Variants in ERC2 observed in about 807,000 individuals in gnomAD.
ERC2 encodes ELKS/RAB6-interacting/CAST family member 2.
ERC2 carries 42 observed loss-of-function variants against 114.8 expected under a neutral mutation model. The observed-to-expected ratio is 0.37, with a 90% CI of 0.29 to 0.47. The LOEUF (loss-of-function observed/expected upper bound fraction) is 0.47. ERC2 is among the 20% of genes least tolerant of loss of function. The pLI is 0.99. For synonymous variants in ERC2, 454 were observed against 425.5 expected (o/e 1.07, Z -0.82); for missense variants, 939 against 1,150.7 (o/e 0.82, Z 2.66).
chr3:55,613,823 A>T (rs2059006572), intron 17 of ERC2, among the ~76,000 whole-genome samples: 1 of 151,842 alleles, frequency 6.6e-6, no homozygotes, highest in Non-Finnish European at 1.5e-5. Flanking sequence ...TCTACTAAAA[A>T]ATACAAAAAA....
intron 14 of ERC2, among the ~76,000 whole-genome samples, chr3:55,818,078 A>G (rs928821897): frequency 1.3e-5 from 2 of 152,220 alleles, no homozygotes; most frequent in African/African-American, 4.8e-5. Flanking sequence ...TAAGGTCTGA[A>G]CGATGGGACT....
intron 7 of ERC2, among the ~76,000 whole-genome samples, chr3:56,042,932 C>A (rs1277932581): frequency 6.6e-6 from 1 of 151,980 alleles, no homozygotes; most frequent in Admixed American, 6.6e-5. Flanking sequence ...ACGGAACATC[C>A]TGAAAAAGTC....
chr3:55,650,886 A>G (rs2060591810), intron 17 of ERC2, among the ~76,000 whole-genome samples: 1 of 148,060 alleles, frequency 6.8e-6, no homozygotes, highest in Non-Finnish European at 1.5e-5. Context: ...TGGCTCTGTC[A>G]CCTGGGCTGG....
At chr3:56,355,902 G>A (rs937300156) in intron 2 of ERC2, among the ~76,000 whole-genome samples, 1 of 152,180 alleles carries the variant, frequency 6.6e-6, no homozygotes. Context: ...ATGGAGAGGT[G>A]ATGAATCAGA....
chr3:56,224,033 T>G (rs1452218), intron 3 of ERC2, among the ~76,000 whole-genome samples: 122,153 of 152,156 alleles, frequency 0.8, 50,944 homozygotes, highest in South Asian at 0.95. Flanking sequence ...TGTCAATTAG[T>G]TTCACTAAGT....
chr3:55,735,062 G>T, intron 14 of ERC2, 144 bp from the exon 15 acceptor site: 2 of 911,014 alleles, frequency 2.2e-6, no homozygotes, highest in Non-Finnish European at 3.1e-6. Flanking sequence ...TAGCTCTTTG[G>T]CTTTCAGAAT....
chr3:56,267,262 C>T (rs762629697), intron 3 of ERC2, among the ~76,000 whole-genome samples: 32 of 152,162 alleles, frequency 2.1e-4, no homozygotes, highest in Non-Finnish European at 4.4e-4. Context: ...TACACACACA[C>T]ACAGTGGAAT....
intron 3 of ERC2, among the ~76,000 whole-genome samples, chr3:56,241,484 G>A (rs926467372): frequency 3.3e-5 from 5 of 152,034 alleles, no homozygotes; most frequent in South Asian, 2.1e-4. Flanking sequence ...AAAACAGTGC[G>A]GAGATTTCTC....
rs190773926 is a variant in ERC2 at position 55,927,648 on chromosome 3, G to T, written c.2403+22777C>A. ...ATTTTAAAACATACAATAAATTATT[G>T]TTGACTCTAGTCATCCTGTCGTGTT... is the stretch of plus-strand genomic sequence containing the variant. On this transcript the variant is annotated intron_variant, in intron 13 of 17. Coordinates refer to ENST00000288221, the MANE Select transcript of ERC2 (RefSeq NM_015576.3). 7.0e-4 allele frequency among the ~76,000 whole-genome samples: 106 copies of T among 151,612 alleles called. 2 individuals carry two copies. The East Asian group carries it at 0.019, about 28-fold the overall frequency.
intron 3 of ERC2, among the ~76,000 whole-genome samples, chr3:56,266,677 C>G (rs1230369463): frequency 6.6e-6 from 1 of 152,184 alleles, no homozygotes; most frequent in Non-Finnish European, 1.5e-5. Context: ...ATAAGGACCA[C>G]TTGAGCCCAG....
chr3:55,939,313 T>G (rs754040308), intron 13 of ERC2, among the ~76,000 whole-genome samples: 6 of 152,222 alleles, frequency 3.9e-5, no homozygotes, highest in Non-Finnish European at 7.3e-5. Flanking sequence ...TTATCATCAG[T>G]AAGAATTGCC....
chr3:56,042,710 A>G (rs1378668107), intron 7 of ERC2, among the ~76,000 whole-genome samples: 1 of 152,152 alleles, frequency 6.6e-6, no homozygotes, highest in Non-Finnish European at 1.5e-5. Flanking sequence ...AAGGTACTCT[A>G]AAATAAAAGT....
chr3:55,748,214 G>T (rs2066432710), intron 14 of ERC2, among the ~76,000 whole-genome samples: 1 of 152,208 alleles, frequency 6.6e-6, no homozygotes. Flanking sequence ...TTTCAGATAT[G>T]AAATTATGAA....
chr3:56,148,853 T>C (rs189681225), intron 5 of ERC2, 124 bp downstream of exon 5: 2 of 840,982 alleles, frequency 2.4e-6, no homozygotes, highest in East Asian at 2.6e-5. Context: ...TTCTACTTTG[T>C]TGTCCATATA....
At position 56,007,290 on chromosome 3, in the gene ERC2, G is replaced by T; in HGVS notation, c.1952C>A (p.Ser651Tyr). 6.3e-7 allele frequency: 1 copy of T among 1,599,976 alleles called. No individual in the cohort carries two copies. The highest frequency in any genetic ancestry group is 1.7e-5 in the Admixed American group (1 of 58,114). Residue 651 changes from serine to tyrosine, a missense_variant, in exon 10 of 18, where the codon TCT (serine) becomes TAT (tyrosine). By Grantham distance (144) the Ser-to-Tyr change is moderately radical. Coordinates refer to ENST00000288221, the MANE Select transcript of ERC2 (RefSeq NM_015576.3). Reference protein sequence around the residue: ...SSLIDLKEHASSLASAGLKRD... With the variant: ...SSLIDLKEHAYSLASAGLKRD... ...TTTCAGCCCCGCAGAGGCTAATGAA[G>T]ATGCATGTTCTTTGAGGTCAATTAA... is the stretch of plus-strand genomic sequence containing the variant.
intron 1 of ERC2, among the ~76,000 whole-genome samples, chr3:56,444,633 G>C (rs2062477046): frequency 6.6e-6 from 1 of 152,176 alleles, no homozygotes; most frequent in South Asian, 2.1e-4. Flanking sequence ...AAGCAGGGGA[G>C]AACCTTGATT....
intron 17 of ERC2, among the ~76,000 whole-genome samples, chr3:55,664,893 C>A (rs1386697743): frequency 1.3e-5 from 2 of 152,164 alleles, no homozygotes; most frequent in African/African-American, 2.4e-5. Context: ...TGGAGAGAGG[C>A]AAGCAGTGAT....
At chr3:55,522,716 G>A (rs941269109) in intron 17 of ERC2, among the ~76,000 whole-genome samples, 2 of 152,160 alleles carry the variant, frequency 1.3e-5, no homozygotes, top group African/African-American at 4.8e-5. Context: ...GCCCAGGGCT[G>A]AAACCCTTGG....
In ERC2 at chr3:56,259,804, G is replaced by A. The variant is rs115629842; in HGVS notation, c.1074+36215C>T. Among the ~76,000 whole-genome samples, 985 of 152,232 alleles carry A rather than the reference G, an allele frequency of 6.5e-3. 12 individuals carry two copies. The highest frequency in any genetic ancestry group is 0.022 in the African/African-American group (895 of 41,522). On this transcript the variant is annotated intron_variant, in intron 3 of 17. Transcript: ENST00000288221. ...CATTCTCAGCAAGCTAGGCCTGACT[G>A]GTACAAGGATGAAAACTGACCCAAG... is the stretch of plus-strand genomic sequence containing the variant.
Sources: gnomAD v4.1 joint callset for allele counts (sites outside exome capture counted in the v4.1 genomes callset) on GRCh38, gnomAD v4.1.1 for gene constraint, MANE v1.5 for transcripts, NCBI Gene and HGNC (gene_info 2026-07-23, HGNC 2026-07-21) for gene names.